ZFP14: variants seen among roughly 807,000 people sequenced by gnomAD.
The protein encoded by ZFP14 is zinc finger protein 14 homolog.
In ZFP14, 22 loss-of-function variants were observed where a neutral mutation model predicts 54.5. The ratio of observed to expected loss-of-function variants is 0.40; its 90% CI spans 0.29 to 0.58. ZFP14 has a LOEUF of 0.58. ZFP14 is among the 20% of genes least tolerant of loss of function. ZFP14 has a pLI of 0.39. For synonymous variants in ZFP14, 159 were observed against 204.0 expected, an observed-to-expected ratio of 0.78 and a Z score of 1.88; for missense variants, 470 against 637.8, an observed-to-expected ratio of 0.74 and a Z score of 2.83.
intron 4 of ZFP14, among the ~76,000 whole-genome samples, chr19:36,347,835 C>T (rs950171332): frequency 2.6e-5 from 4 of 151,852 alleles, no homozygotes; most frequent in African/African-American, 9.7e-5. Context: ...CCAAGGCAGG[C>T]AGATCACCTG....
At chr19:36,344,973 C>T (rs2031387357) in intron 4 of ZFP14, among the ~76,000 whole-genome samples, 1 of 151,988 alleles carries the variant, frequency 6.6e-6, no homozygotes, top group Admixed American at 6.6e-5. Flanking sequence ...CTTACTCAAA[C>T]TTTTGTTGGC....
chr19:36,353,536 T>C (rs2031563323), intron 4 of ZFP14, among the ~76,000 whole-genome samples: 1 of 139,818 alleles, frequency 7.2e-6, no homozygotes, highest in African/African-American at 2.6e-5. Context: ...CCATGTCTAC[T>C]AAAAATACAA....
intron 1 of ZFP14, among the ~76,000 whole-genome samples, chr19:36,369,126 G>A (rs1412418167): frequency 6.6e-6 from 1 of 152,206 alleles, no homozygotes; most frequent in African/African-American, 2.4e-5. Context: ...ACAGGCGTGA[G>A]CCACCGTGCC....
At chr19:36,368,966 CCT>C (rs1374534851) in intron 1 of ZFP14, among the ~76,000 whole-genome samples, 3 of 151,442 alleles carry the variant, frequency 2.0e-5, no homozygotes, top group Admixed American at 6.6e-5. Context: ...GCCTCAGCCT[CCT>C]GAGTACAGGT....
intron 4 of ZFP14, among the ~76,000 whole-genome samples, chr19:36,342,056 C>T (rs948452555): frequency 4.0e-5 from 6 of 151,796 alleles, no homozygotes; most frequent in Admixed American, 1.3e-4. Context: ...GGGGTTTCAC[C>T]GTGTTAGCCA....
intron 1 of ZFP14, among the ~76,000 whole-genome samples, chr19:36,375,669 T>C (rs1326623460): frequency 1.3e-5 from 2 of 151,758 alleles, no homozygotes; most frequent in Admixed American, 6.6e-5. Flanking sequence ...GCCATTCTCC[T>C]GCCTCAGCCT....
At chr19:36,367,786 G>C in intron 2 of ZFP14, 98 bp downstream of exon 2, 1 of 1,419,064 alleles carries the variant, frequency 7.0e-7, no homozygotes, top group Non-Finnish European at 9.6e-7. Context: ...CTTGGATGAA[G>C]CTCTGGTAAG....
chr19:36,375,988 C>T (rs971005111), intron 1 of ZFP14, among the ~76,000 whole-genome samples: 2 of 151,806 alleles, frequency 1.3e-5, no homozygotes, highest in Admixed American at 6.6e-5. Flanking sequence ...CCACCGCGCC[C>T]GGCCAGATTT....
At chr19:36,359,748 G>A (rs1317111023) in intron 4 of ZFP14, among the ~76,000 whole-genome samples, 8 of 152,076 alleles carry the variant, frequency 5.3e-5, no homozygotes, top group Middle Eastern at 6.8e-3. Context: ...TCCGCCTCCC[G>A]GGTTCAAGTG....
At chr19:36,345,224 T>C (rs1367498682) in intron 4 of ZFP14, among the ~76,000 whole-genome samples, 2 of 152,186 alleles carry the variant, frequency 1.3e-5, no homozygotes, top group African/African-American at 4.8e-5. Context: ...GATTGTGCCA[T>C]TGCACTCCAG....
intron 2 of ZFP14, among the ~76,000 whole-genome samples, chr19:36,364,411 T>A (rs1269067132): frequency 6.6e-6 from 1 of 152,156 alleles, no homozygotes; most frequent in African/African-American, 2.4e-5. Flanking sequence ...TGTGATTGGC[T>A]TGTTTGAATA....
chr19:36,343,442 T>G (rs1188313186), intron 4 of ZFP14, among the ~76,000 whole-genome samples: 5 of 152,178 alleles, frequency 3.3e-5, no homozygotes, highest in Admixed American at 6.6e-5. Context: ...AGGCTGCTCC[T>G]TCTTTGAGGA....
chr19:36,378,136 C>T (rs1003382865), intron 1 of ZFP14: 1 of 152,172 alleles, frequency 6.6e-6, no homozygotes, highest in South Asian at 2.1e-4. Context: ...CGGTTGAGTT[C>T]CAGCTGAAAG....
At chr19:36,348,858 G>C (rs73602377) in intron 4 of ZFP14, among the ~76,000 whole-genome samples, 3,899 of 152,186 alleles carry the variant, frequency 0.026, 149 homozygotes, top group African/African-American at 0.089. Context: ...CCAGAAACCA[G>C]AGGTGGAACT....
At chr19:36,360,640 C>T (rs2031695379) in intron 3 of ZFP14, 107 bp from the exon 4 acceptor site, 2 of 982,268 alleles carry the variant, frequency 2.0e-6, no homozygotes, top group Non-Finnish European at 1.4e-6. Flanking sequence ...CTTTATAAAG[C>T]CTAGGAGCGA....
intron 4 of ZFP14, among the ~76,000 whole-genome samples, chr19:36,352,235 G>A (rs2031539877): frequency 7.1e-6 from 1 of 141,480 alleles, no homozygotes; most frequent in African/African-American, 2.6e-5. Flanking sequence ...AAGATATAAA[G>A]AAGCTAATTT....
At chr19:36,355,883 T>TAAA (rs2031604713) in intron 4 of ZFP14, among the ~76,000 whole-genome samples, 1 of 142,288 alleles carries the variant, frequency 7.0e-6, no homozygotes, top group Non-Finnish European at 1.6e-5. Context: ...ACTATGGTAT[T>TAAA]CTGTTACAGC....
At chr19:36,347,194 T>C (rs1342004836) in intron 4 of ZFP14, among the ~76,000 whole-genome samples, 1 of 152,146 alleles carries the variant, frequency 6.6e-6, no homozygotes, top group Non-Finnish European at 1.5e-5. Context: ...AGCTTGCAAG[T>C]AGGGTGAAGT....
rs373682984 is a variant in ZFP14 at position 36,367,906 on chromosome 19, C to T, written c.-14G>A. 9.8e-5 allele frequency: 157 copies of T among 1,608,904 alleles called. 2 individuals are homozygous for T. The highest frequency in any genetic ancestry group is 8.3e-4 in the Middle Eastern group (5 of 6,052). The stretch of plus-strand genomic sequence containing the variant: ...TACATGGGCCATGGTTTTAGAACTG[C>T]AAAAACTGGTCAGTCCTTTTCAAGA... On this transcript the variant is annotated 5_prime_UTR_variant, in exon 2 of 5. Transcript: ENST00000270001.
Sources: allele counts gnomAD v4.1 joint callset (sites outside exome capture counted in the v4.1 genomes callset), GRCh38; gene constraint gnomAD v4.1.1; transcripts MANE v1.5; gene names NCBI Gene and HGNC (gene_info 2026-07-23, HGNC 2026-07-21).